The following SNX18 variants were observed in gnomAD, a reference collection of about 807,000 sequenced individuals.
The protein encoded by SNX18 is sorting nexin-18.
In SNX18, 35 loss-of-function variants were observed where a neutral mutation model predicts 48.7. That is an observed-to-expected ratio of 0.72 (90% CI 0.55 to 0.95). SNX18 has a LOEUF of 0.95. Ranked by LOEUF, SNX18 falls within the 40% of genes least tolerant of loss-of-function variation. SNX18 has a pLI of 0.00. For synonymous variants in SNX18, 492 were observed against 384.7 expected, an observed-to-expected ratio of 1.28 and a Z score of -3.26; for missense variants, 824 against 871.0, an observed-to-expected ratio of 0.95 and a Z score of 0.68.
chr5:54,556,682 G>C, the SNX18 span, among the ~76,000 whole-genome samples: 109,469 of 152,000 alleles, frequency 0.72, 40,100 homozygotes, highest in Non-Finnish European at 0.8. Flanking sequence ...GGAGGGGGTT[G>C]GTATGCAGCT....
the SNX18 span, among the ~76,000 whole-genome samples, chr5:54,634,531 A>AT: frequency 2.3e-4 from 35 of 149,408 alleles, no homozygotes; most frequent in South Asian, 8.5e-4. Flanking sequence ...TTTTTTTGCG[A>AT]TTTTTTTTTT....
rs1326325500 is a variant in SNX18 at position 54,543,471 on chromosome 5, A to G, written c.*39A>G. The G allele has an allele frequency of 6.3e-7, 1 of 1,598,624 alleles. No homozygotes were observed. Among genetic ancestry groups the G allele is most frequent in the Non-Finnish European group, 8.5e-7 (1 of 1,171,550 alleles). ...GATTATGGACTTTTTCAGTTCAAGG[A>G]TAATTTCTACAGCAGAATAAAAACT... On this transcript the variant is annotated 3_prime_UTR_variant, in exon 2 of 2. Transcript: ENST00000381410.
At chr5:54,534,368 G>A (rs1364910698) in intron 1 of SNX18, among the ~76,000 whole-genome samples, 3 of 151,952 alleles carry the variant, frequency 2.0e-5, no homozygotes, top group Non-Finnish European at 4.4e-5. Flanking sequence ...GGAAAGGAAG[G>A]CAAAGTTCAG....
chr5:54,584,046 C>CT, the SNX18 span, among the ~76,000 whole-genome samples: 32,915 of 110,648 alleles, frequency 0.3, 5,645 homozygotes, highest in Non-Finnish European at 0.36. Flanking sequence ...GTGTGTAGCT[C>CT]TTTTTTTTTT....
chr5:54,529,186 T>A (rs1030746113), intron 1 of SNX18, among the ~76,000 whole-genome samples: 3 of 152,058 alleles, frequency 2.0e-5, no homozygotes, highest in African/African-American at 7.2e-5. Flanking sequence ...GGGGGCAGTG[T>A]CCGTGGCGGT....
chr5:54,559,966 T>C, the SNX18 span, among the ~76,000 whole-genome samples: 1 of 152,116 alleles, frequency 6.6e-6, no homozygotes, highest in Non-Finnish European at 1.5e-5. Context: ...AAGCTCATCA[T>C]CACTGATCAC....
the SNX18 span, among the ~76,000 whole-genome samples, chr5:54,590,619 A>G: frequency 6.6e-6 from 1 of 152,194 alleles, no homozygotes; most frequent in Non-Finnish European, 1.5e-5. Flanking sequence ...CCCAACCCCA[A>G]TCTTTGGTCT....
At chr5:54,569,828 A>G in the SNX18 span, among the ~76,000 whole-genome samples, 1 of 152,288 alleles carries the variant, frequency 6.6e-6, no homozygotes, top group Admixed American at 6.5e-5. Context: ...CTCTTACTAC[A>G]TTGGTCCAAG....
the SNX18 span, among the ~76,000 whole-genome samples, chr5:54,569,618 T>C: frequency 6.6e-6 from 1 of 152,054 alleles, no homozygotes; most frequent in African/African-American, 2.4e-5. Flanking sequence ...GTTGAGTAAA[T>C]TGGAATTCTG....
chr5:54,620,203 C>A, the SNX18 span, among the ~76,000 whole-genome samples: 9 of 151,986 alleles, frequency 5.9e-5, no homozygotes, highest in African/African-American at 2.2e-4. Context: ...AGAGTGACTC[C>A]TTGTGGAGCT....
At chr5:54,534,685 T>A (rs1043050478) in intron 1 of SNX18, among the ~76,000 whole-genome samples, 1 of 150,864 alleles carries the variant, frequency 6.6e-6, no homozygotes, top group African/African-American at 2.5e-5. Context: ...GTTTTGTTTT[T>A]TTTTTCCCTC....
At chr5:54,617,876 C>A in the SNX18 span, among the ~76,000 whole-genome samples, 2 of 152,092 alleles carry the variant, frequency 1.3e-5, no homozygotes, top group Non-Finnish European at 2.9e-5. Context: ...ATTGACTAAT[C>A]TGTTAATAGT....
chr5:54,561,366 T>G, the SNX18 span, among the ~76,000 whole-genome samples: 27 of 151,630 alleles, frequency 1.8e-4, no homozygotes, highest in Admixed American at 1.8e-3. Flanking sequence ...AAATTTTTAT[T>G]TCGACAGGGT....
At chr5:54,585,297 G>GA in the SNX18 span, among the ~76,000 whole-genome samples, 2,610 of 96,182 alleles carry the variant, frequency 0.027, 73 homozygotes, top group African/African-American at 0.086. Flanking sequence ...GTCCCAAAAA[G>GA]AAAAAAAAAA....
rs1355538434 is a variant in SNX18 at position 54,532,293 on chromosome 5, C to T, written c.1622-10886C>T. The stretch of plus-strand genomic sequence containing the variant: ...GTCGAAAGTGTTGGCAGCTTGCAAA[C>T]ATATCTATTGTTGCTTTTTTTTTTT... On this transcript the variant is annotated intron_variant, in intron 1 of 1. Coordinates refer to ENST00000381410, the MANE Select transcript of SNX18 (RefSeq NM_001102575.2). Among the ~76,000 whole-genome samples the T allele has an allele frequency of 2.0e-5, 3 of 147,864 alleles. No individual in the cohort carries two copies. The East Asian group carries it at 6.0e-4, about 30-fold the overall frequency.
rs1761928668 is a variant in SNX18, at chr5:54,518,531, C to T, written c.579C>T (p.Tyr193=). ...SSAGVGAAGR[Y]RLSTRSDLSL... ...CGGGTGTGGGCGCAGCCGGCCGCTACCGCCTGTCCACGCGCTCCGACCTGT... is the reference window on the plus strand; with the variant it reads ...CGGGTGTGGGCGCAGCCGGCCGCTATCGCCTGTCCACGCGCTCCGACCTGT... The change falls in exon 1 of 2, where the codon TAC becomes TAT. Residue 193 remains tyrosine (Y), a synonymous_variant. Transcript: ENST00000381410. 1.3e-6 allele frequency: 2 copies of T among 1,573,574 alleles called. No individual in the cohort carries two copies. The highest frequency in any genetic ancestry group is 1.8e-5 in the Admixed American group (1 of 54,904).
At chr5:54,600,274 T>A in the SNX18 span, among the ~76,000 whole-genome samples, 1 of 151,962 alleles carries the variant, frequency 6.6e-6, no homozygotes, top group Non-Finnish European at 1.5e-5. Flanking sequence ...AAAACCACAA[T>A]GAGATACCGT....
chr5:54,591,027 C>A, the SNX18 span, among the ~76,000 whole-genome samples: 3,435 of 152,070 alleles, frequency 0.023, 134 homozygotes, highest in African/African-American at 0.079. Context: ...CTCCTTTTTT[C>A]TTCCTTCCCC....
downstream of SNX18, among the ~76,000 whole-genome samples, chr5:54,548,978 C>T (rs1762614353): frequency 6.6e-6 from 1 of 152,172 alleles, no homozygotes; most frequent in Admixed American, 6.5e-5. Context: ...CCTTGCCATG[C>T]CTAATACAAT....
Sources: allele counts gnomAD v4.1 joint callset (sites outside exome capture counted in the v4.1 genomes callset), GRCh38; gene constraint gnomAD v4.1.1; transcripts MANE v1.5; gene names NCBI Gene and HGNC (gene_info 2026-07-23, HGNC 2026-07-21).